ITPR2: variants seen among roughly 807,000 people sequenced by gnomAD.
ITPR2 encodes inositol 1,4,5-trisphosphate-gated calcium channel ITPR2.
ITPR2 carries 207 observed loss-of-function variants against 317.1 expected under a neutral mutation model. The ratio of observed to expected loss-of-function variants is 0.65; its 90% confidence interval spans 0.58 to 0.73. ITPR2 has a LOEUF of 0.73. ITPR2 is among the 30% of genes least tolerant of loss of function. The pLI is 0.00. For synonymous variants in ITPR2, 1,156 were observed against 1,149.1 expected, an observed-to-expected ratio of 1.01 and a Z score of -0.12; for missense variants, 2,613 against 3,284.0, an observed-to-expected ratio of 0.80 and a Z score of 4.99.
Position 26,621,091 on chromosome 12 carries a change from G to A in ITPR2, c.3462+32C>T, listed in dbSNP as rs374914682. 2.9e-4 allele frequency: 451 copies of A among 1,566,970 alleles called. 7 individuals are homozygous for A. The South Asian group carries it at 4.8e-3, about 17-fold the overall frequency. Reference sequence around the variant, plus strand: ...TATATCTGACTTAAAAGACATCATTGGGAGTATTTCGAAATAGATCTTGAA... The same window carrying A: ...TATATCTGACTTAAAAGACATCATTAGGAGTATTTCGAAATAGATCTTGAA... On this transcript the variant is annotated intron_variant, in intron 26 of 56. Transcript: ENST00000381340.
At chr12:26,401,783 C>T (rs1940185215) in intron 52 of ITPR2, among the ~76,000 whole-genome samples, 1 of 152,216 alleles carries the variant, frequency 6.6e-6, no homozygotes, top group Admixed American at 6.5e-5. Context: ...TAATTTTCCT[C>T]TTCTGAGCCG....
chr12:26,695,460 T>G, intron 10 of ITPR2, 146 bp downstream of exon 10: 1 of 635,662 alleles, frequency 1.6e-6, no homozygotes, highest in Non-Finnish European at 2.8e-6. Flanking sequence ...CTAAGCCATA[T>G]CATCTTTTAC....
intron 21 of ITPR2, among the ~76,000 whole-genome samples, chr12:26,637,290 T>C (rs1946883740): frequency 1.3e-5 from 2 of 152,078 alleles, no homozygotes; most frequent in African/African-American, 4.8e-5. Flanking sequence ...AAACATAAAA[T>C]GTGCCCATAA....
chr12:26,499,088 AC>A (rs1293149670), intron 37 of ITPR2, among the ~76,000 whole-genome samples: 1 of 152,202 alleles, frequency 6.6e-6, no homozygotes, highest in Non-Finnish European at 1.5e-5. Flanking sequence ...GAAATAGAAA[AC>A]TTTTTTACCA....
intron 38 of ITPR2, among the ~76,000 whole-genome samples, chr12:26,494,751 CAG>C (rs904253951): frequency 9.2e-6 from 1 of 108,618 alleles, no homozygotes; most frequent in African/African-American, 3.6e-5. Flanking sequence ...GGCTGGGTGA[CAG>C]AGTGAGACTC....
At chr12:26,654,708 TCTCA>T in intron 20 of ITPR2, among the ~76,000 whole-genome samples, 1 of 151,892 alleles carries the variant, frequency 6.6e-6, no homozygotes, top group East Asian at 1.9e-4. Flanking sequence ...TCTCTCTCTC[TCTCA>T]GATGGCTTGC....
chr12:26,673,701 T>C (rs1440098162), intron 13 of ITPR2, among the ~76,000 whole-genome samples: 3 of 150,554 alleles, frequency 2.0e-5, no homozygotes, highest in Admixed American at 6.6e-5. Context: ...CCAGGGCAAT[T>C]AGGCAGGAGA....
At chr12:26,538,406 G>T (rs529475777) in intron 37 of ITPR2, among the ~76,000 whole-genome samples, 36 of 151,830 alleles carry the variant, frequency 2.4e-4, no homozygotes, top group African/African-American at 8.4e-4. Flanking sequence ...AAATAAGTCT[G>T]AAAGAAGTGG....
intron 1 of ITPR2, among the ~76,000 whole-genome samples, chr12:26,810,390 C>G (rs916748580): frequency 2.0e-5 from 3 of 152,154 alleles, no homozygotes; most frequent in Non-Finnish European, 4.4e-5. Context: ...GTAAAAAAAG[C>G]CATAAAGTGG....
At chr12:26,526,580 T>TA (rs1158203649) in intron 37 of ITPR2, among the ~76,000 whole-genome samples, 2 of 152,098 alleles carry the variant, frequency 1.3e-5, no homozygotes, top group African/African-American at 4.8e-5. Context: ...AAAGGGTTTT[T>TA]AAAAAGAGAA....
Position 26,572,636 on chromosome 12 carries a change from A to G in ITPR2, c.4630+6077T>C, listed in dbSNP as rs1945190627. 2.6e-5 allele frequency among the ~76,000 whole-genome samples: 4 copies of G among 152,200 alleles called. No homozygotes were observed. The South Asian group carries it at 6.2e-4, about 24-fold the overall frequency. ...AATCTAGGAAGGAGTTAGCTCAATT[A>G]AAGTGATTGATTTGCATTCAGTTGA... On this transcript the variant is annotated intron_variant, in intron 34 of 56. Coordinates refer to ENST00000381340, the MANE Select transcript of ITPR2 (RefSeq NM_002223.4).
At chr12:26,731,813 T>G (rs1393042168) in intron 2 of ITPR2, among the ~76,000 whole-genome samples, 8 of 152,016 alleles carry the variant, frequency 5.3e-5, no homozygotes. Context: ...AAATACAAAT[T>G]TTAAAAAATT....
intron 34 of ITPR2, among the ~76,000 whole-genome samples, chr12:26,574,079 A>T: frequency 6.6e-6 from 1 of 152,206 alleles, no homozygotes; most frequent in East Asian, 1.9e-4. Flanking sequence ...AGAGTAAACA[A>T]AAGGGAAGAA....
intron 45 of ITPR2, among the ~76,000 whole-genome samples, chr12:26,444,677 G>A (rs559201266): frequency 2.0e-5 from 3 of 152,160 alleles, no homozygotes; most frequent in African/African-American, 7.2e-5. Flanking sequence ...CGACATTACG[G>A]AGCAATAAGT....
rs540421850 is a variant in ITPR2, at chr12:26,557,766, A to G, written c.4822-1391T>C. 1.4e-4 allele frequency among the ~76,000 whole-genome samples: 21 copies of G among 152,342 alleles called. No homozygotes were observed. The South Asian group carries it at 4.3e-3, about 32-fold the overall frequency. On this transcript the variant is annotated intron_variant, in intron 35 of 56. Transcript: ENST00000381340. Reference sequence around the variant, plus strand: ...TTTAAAGCTGAAAGCATCTTAACTGATATGTTTCTAAAATGAACTGCAGGT... The same window carrying G: ...TTTAAAGCTGAAAGCATCTTAACTGGTATGTTTCTAAAATGAACTGCAGGT...
At chr12:26,447,247 C>G (rs1257498327) in intron 45 of ITPR2, among the ~76,000 whole-genome samples, 1 of 152,010 alleles carries the variant, frequency 6.6e-6, no homozygotes, top group Non-Finnish European at 1.5e-5. Flanking sequence ...TGAATTATCT[C>G]TCTGTTTCAT....
intron 2 of ITPR2, among the ~76,000 whole-genome samples, chr12:26,751,564 T>A (rs1394979345): frequency 6.6e-6 from 1 of 152,084 alleles, no homozygotes; most frequent in Non-Finnish European, 1.5e-5. Flanking sequence ...TATCAAAAAA[T>A]CATCTTATAT....
intron 2 of ITPR2, among the ~76,000 whole-genome samples, chr12:26,743,410 T>C (rs1034140871): frequency 6.6e-6 from 1 of 152,176 alleles, no homozygotes; most frequent in African/African-American, 2.4e-5. Context: ...TTTAATACAT[T>C]TGAGCTCGCA....
chr12:26,811,808 CGCA>C (rs1256632013), intron 1 of ITPR2, among the ~76,000 whole-genome samples: 20 of 141,248 alleles, frequency 1.4e-4, no homozygotes, highest in South Asian at 4.5e-4. Context: ...GAGCCGAGAT[CGCA>C]CCACTGCACT....
Sources: allele counts gnomAD v4.1 joint callset (sites outside exome capture counted in the v4.1 genomes callset), GRCh38; gene constraint gnomAD v4.1.1; transcripts MANE v1.5; gene names NCBI Gene and HGNC (gene_info 2026-07-23, HGNC 2026-07-21).